The following NRXN1 variants were observed in gnomAD, a reference collection of about 807,000 sequenced individuals.
The protein encoded by NRXN1 is neurexin 1, also known as neurexin-1.
A neutral mutation model predicts 150.9 loss-of-function variants in NRXN1; 39 were observed. The observed-to-expected ratio is 0.26, with a 90% confidence interval of 0.20 to 0.34. The LOEUF is 0.34. Ranked by LOEUF, NRXN1 falls within the 10% of genes least tolerant of loss-of-function variation. The probability of loss-of-function intolerance (pLI) is 1.00; values close to 1 mark genes in which losing one functional copy is unlikely to be tolerated. For missense variants in NRXN1, 1,815 were observed against 1,949.9 expected, an observed-to-expected ratio of 0.93 and a Z score of 1.30; for synonymous variants, 924 against 757.0, an observed-to-expected ratio of 1.22 and a Z score of -3.62.
intron 8 of NRXN1, among the ~76,000 whole-genome samples, chr2:50,579,349 C>A (rs187441116): frequency 6.6e-6 from 1 of 152,292 alleles, no homozygotes; most frequent in South Asian, 2.1e-4. Context: ...AAAAAAGCCA[C>A]AAAGAACCCT....
intron 2 of NRXN1, among the ~76,000 whole-genome samples, chr2:50,978,160 CAG>C (rs1575109685): frequency 6.7e-6 from 1 of 149,332 alleles, no homozygotes; most frequent in Non-Finnish European, 1.5e-5. Context: ...GAAAAAGAAA[CAG>C]ATATGAAAAA....
At chr2:50,208,255 A>C (rs2062758291) in intron 18 of NRXN1, among the ~76,000 whole-genome samples, 1 of 152,108 alleles carries the variant, frequency 6.6e-6, no homozygotes, top group Non-Finnish European at 1.5e-5. Context: ...ATGTACTAGC[A>C]CAATGAACTC....
intron 5 of NRXN1, among the ~76,000 whole-genome samples, chr2:50,704,748 T>C (rs1694203035): frequency 6.6e-6 from 1 of 151,758 alleles, no homozygotes; most frequent in African/African-American, 2.4e-5. Context: ...TTAGAATTTT[T>C]CAAAACCTAA....
At chr2:50,381,837 T>C (rs2103678387) in intron 17 of NRXN1, among the ~76,000 whole-genome samples, 1 of 152,270 alleles carries the variant, frequency 6.6e-6, no homozygotes, top group Non-Finnish European at 1.5e-5. Context: ...GTAAGTCAAC[T>C]GATCAGAGGG....
chr2:50,823,365 T>C (rs557402043), intron 5 of NRXN1, among the ~76,000 whole-genome samples: 1 of 152,242 alleles, frequency 6.6e-6, no homozygotes, highest in African/African-American at 2.4e-5. Context: ...ATCAAAATTT[T>C]TTTTTCTGGA....
chr2:51,029,384 T>C (rs1334147310), intron 1 of NRXN1, among the ~76,000 whole-genome samples, 190 bp from the exon 2 acceptor site: 1 of 152,228 alleles, frequency 6.6e-6, no homozygotes, highest in Non-Finnish European at 1.5e-5. Context: ...TATGACACTT[T>C]TACAGTCAGC....
At chr2:50,740,112 A>G (rs765562353) in intron 5 of NRXN1, among the ~76,000 whole-genome samples, 3 of 152,150 alleles carry the variant, frequency 2.0e-5, no homozygotes, top group Non-Finnish European at 4.4e-5. Context: ...AAATTGTGCT[A>G]TTGTTCCATC....
At chr2:50,835,970 T>A (rs1470896186) in intron 5 of NRXN1, among the ~76,000 whole-genome samples, 1 of 152,212 alleles carries the variant, frequency 6.6e-6, no homozygotes, top group Non-Finnish European at 1.5e-5. Context: ...TAAAGACACC[T>A]TTTAATTAGA....
intron 17 of NRXN1, among the ~76,000 whole-genome samples, chr2:50,348,608 T>C (rs981678955): frequency 1.3e-5 from 2 of 152,148 alleles, no homozygotes; most frequent in Admixed American, 1.3e-4. Context: ...AATAGGACAT[T>C]TATATGCTTT....
intron 17 of NRXN1, among the ~76,000 whole-genome samples, chr2:50,426,021 C>T (rs567431904): frequency 1.3e-5 from 2 of 152,324 alleles, no homozygotes; most frequent in African/African-American, 4.8e-5. Flanking sequence ...GACATTTTAA[C>T]ATCCTTTCAA....
chr2:50,708,421 T>G (rs1694726732), intron 5 of NRXN1, among the ~76,000 whole-genome samples: 1 of 152,198 alleles, frequency 6.6e-6, no homozygotes, highest in African/African-American at 2.4e-5. Context: ...ATTGGCCAAT[T>G]AACTTTCTAT....
At chr2:50,770,152 T>C (rs917324690) in intron 5 of NRXN1, among the ~76,000 whole-genome samples, 2 of 152,086 alleles carry the variant, frequency 1.3e-5, no homozygotes, top group African/African-American at 4.8e-5. Context: ...AACATTATAA[T>C]AATATTGCAG....
intron 5 of NRXN1, among the ~76,000 whole-genome samples, chr2:50,860,947 A>G (rs1429317317): frequency 6.6e-6 from 1 of 152,102 alleles, no homozygotes; most frequent in Admixed American, 6.6e-5. Flanking sequence ...CTCTCAAAGC[A>G]TAATTAAAAA....
intron 21 of NRXN1, among the ~76,000 whole-genome samples, chr2:49,960,631 G>A (rs912317853): frequency 6.6e-6 from 1 of 152,072 alleles, no homozygotes; most frequent in Non-Finnish European, 1.5e-5. Context: ...CCTTAAAAGT[G>A]TCTCATCCTA....
chr2:50,580,482 A>G (rs917994328), intron 8 of NRXN1, among the ~76,000 whole-genome samples: 17 of 152,236 alleles, frequency 1.1e-4, no homozygotes, highest in Admixed American at 5.2e-4. Context: ...CTTGATTAAC[A>G]TAGAGAAGTA....
chr2:50,405,748 C>G (rs1276922942), intron 17 of NRXN1, among the ~76,000 whole-genome samples: 3 of 152,090 alleles, frequency 2.0e-5, no homozygotes, highest in Non-Finnish European at 4.4e-5. Flanking sequence ...GTGACTCAAA[C>G]ACAGTGCTTT....
At chr2:50,022,172 C>T (rs1025433497) in intron 21 of NRXN1, among the ~76,000 whole-genome samples, 13 of 151,388 alleles carry the variant, frequency 8.6e-5, no homozygotes, top group Non-Finnish European at 1.6e-4. Flanking sequence ...TTAGTAGAGA[C>T]GAGATTTCAC....
intron 18 of NRXN1, among the ~76,000 whole-genome samples, chr2:50,156,811 A>G (rs1403816535): frequency 6.6e-6 from 1 of 151,994 alleles, no homozygotes; most frequent in East Asian, 1.9e-4. Flanking sequence ...CAACAACCAC[A>G]GTACTGCTAT....
intron 5 of NRXN1, among the ~76,000 whole-genome samples, chr2:50,691,790 G>A (rs1382009078): frequency 6.6e-6 from 1 of 152,044 alleles, no homozygotes; most frequent in African/African-American, 2.4e-5. Context: ...CTGACTCGGG[G>A]ATGCTTCCAT....
Sources: allele counts gnomAD v4.1 joint callset (sites outside exome capture counted in the v4.1 genomes callset), GRCh38; gene constraint gnomAD v4.1.1; transcripts MANE v1.5; gene names NCBI Gene and HGNC (gene_info 2026-07-23, HGNC 2026-07-21).